The following TXNRD1 variants were observed in gnomAD, a reference collection of about 807,000 sequenced individuals.
TXNRD1 encodes the protein thioredoxin reductase 1, also known as thioredoxin reductase 1, cytoplasmic.
In TXNRD1, 57 loss-of-function variants were observed where a neutral mutation model predicts 80.3. That is an observed-to-expected ratio of 0.71 (90% CI 0.57 to 0.89). The LOEUF (loss-of-function observed/expected upper bound fraction) is 0.89, where lower values mean the gene tolerates loss of function less well. Among genes scored for constraint, TXNRD1 ranks in the 40% least tolerant of loss-of-function variants. The pLI is 0.00. For missense variants in TXNRD1, 730 were observed against 803.0 expected (o/e 0.91, Z 1.10); for synonymous variants, 291 against 285.2 (o/e 1.02, Z -0.20).
chr12:104,305,867 A>G (rs916804381), intron 4 of TXNRD1, among the ~76,000 whole-genome samples: 2 of 152,066 alleles, frequency 1.3e-5, no homozygotes, highest in Non-Finnish European at 2.9e-5. Flanking sequence ...ATCATGTAAC[A>G]ACTTTGAATA....
rs190953257 is a variant in TXNRD1 at position 104,305,886 on chromosome 12, A to G, written c.415-5404A>G. On this transcript the variant is annotated intron_variant, in intron 4 of 16. Coordinates refer to ENST00000525566, the MANE Select transcript of TXNRD1 (RefSeq NM_001093771.3). ...TGTAACAACTTTGAATATTTGTCCC[A>G]CTTTAATTTTGCATTTCTATCTTTT... Among the ~76,000 whole-genome samples, 143 of 152,040 alleles carry G rather than the reference A, an allele frequency of 9.4e-4. No homozygotes were observed. In the Middle Eastern group the frequency reaches 0.017, roughly 18 times the overall value.
intron 1 of TXNRD1, among the ~76,000 whole-genome samples, chr12:104,223,114 G>A (rs1188651359): frequency 6.6e-6 from 1 of 152,156 alleles, no homozygotes; most frequent in Non-Finnish European, 1.5e-5. Flanking sequence ...TTACAGTGTA[G>A]CTATGGCTGC....
chr12:104,270,719 A>G (rs1299229787), intron 3 of TXNRD1, among the ~76,000 whole-genome samples: 1 of 152,188 alleles, frequency 6.6e-6, no homozygotes, highest in Non-Finnish European at 1.5e-5. Context: ...ATGACTAAAT[A>G]CTGGCCTAAT....
At chr12:104,322,666 C>T (rs1206381517) in intron 10 of TXNRD1, among the ~76,000 whole-genome samples, 1 of 152,124 alleles carries the variant, frequency 6.6e-6, no homozygotes, top group African/African-American at 2.4e-5. Context: ...AGGCCTGAGC[C>T]ACTGCGCCTG....
intron 1 of TXNRD1, among the ~76,000 whole-genome samples, chr12:104,249,481 C>T (rs1158711672): frequency 6.8e-6 from 1 of 147,974 alleles, no homozygotes; most frequent in Non-Finnish European, 1.5e-5. Flanking sequence ...ATTTGATTGT[C>T]TGGTATATAA....
chr12:104,319,697 AC>A (rs2035462253), intron 9 of TXNRD1, 112 bp downstream of exon 9: 1 of 780,804 alleles, frequency 1.3e-6, no homozygotes, highest in African/African-American at 1.8e-5. Context: ...TTTCTTTGCC[AC>A]ATTGTGCCCT....
chr12:104,239,566 T>TGAG (rs879878515), intron 1 of TXNRD1, among the ~76,000 whole-genome samples: 2,903 of 152,110 alleles, frequency 0.019, 112 homozygotes, highest in East Asian at 0.11. Flanking sequence ...TCATTCCTTT[T>TGAG]TTTTCCCTAG....
intron 4 of TXNRD1, among the ~76,000 whole-genome samples, chr12:104,296,581 A>C (rs954015694): frequency 6.6e-6 from 1 of 152,182 alleles, no homozygotes; most frequent in Admixed American, 6.5e-5. Context: ...GCCAATTTTT[A>C]AATTTTTTGT....
At chr12:104,218,234 C>G (rs2032265929) in intron 1 of TXNRD1, among the ~76,000 whole-genome samples, 1 of 152,142 alleles carries the variant, frequency 6.6e-6, no homozygotes, top group Admixed American at 6.5e-5. Flanking sequence ...CCATGTTGGC[C>G]AGGCTGGTCT....
At chr12:104,250,140 C>A (rs767970825) in intron 1 of TXNRD1, among the ~76,000 whole-genome samples, 47 of 152,068 alleles carry the variant, frequency 3.1e-4, no homozygotes, top group Non-Finnish European at 3.7e-4. Flanking sequence ...ACAAGGTTGG[C>A]AAGATACATC....
At chr12:104,319,343 T>G in intron 8 of TXNRD1, 127 bp from the exon 9 acceptor site, 1 of 698,128 alleles carries the variant, frequency 1.4e-6, no homozygotes, top group East Asian at 2.7e-5. Context: ...TTATCCTTTT[T>G]ACTATATTAT....
At chr12:104,253,980 A>G (rs2033185489) in intron 2 of TXNRD1, among the ~76,000 whole-genome samples, 1 of 152,210 alleles carries the variant, frequency 6.6e-6, no homozygotes. Context: ...GGCGTGAGCC[A>G]CTGCGCCCAG....
intron 2 of TXNRD1, 53 bp downstream of exon 2, chr12:104,251,731 T>G: frequency 1.9e-6 from 3 of 1,586,488 alleles, no homozygotes; most frequent in Non-Finnish European, 2.6e-6. Context: ...TTTGACAGAC[T>G]TTTGAGCTCA....
At chr12:104,307,373 G>A (rs997484451) in intron 4 of TXNRD1, among the ~76,000 whole-genome samples, 1 of 152,210 alleles carries the variant, frequency 6.6e-6, no homozygotes, top group Admixed American at 6.5e-5. Flanking sequence ...GGACACCAGT[G>A]TAAATACATT....
intron 10 of TXNRD1, among the ~76,000 whole-genome samples, chr12:104,322,917 G>A (rs1174122752): frequency 7.0e-6 from 1 of 142,680 alleles, no homozygotes; most frequent in Non-Finnish European, 1.5e-5. Flanking sequence ...AGTGAACAAA[G>A]GTCTCTGGTT....
At chr12:104,266,745 C>T (rs755585792) in intron 3 of TXNRD1, among the ~76,000 whole-genome samples, 19 of 151,928 alleles carry the variant, frequency 1.3e-4, no homozygotes, top group Non-Finnish European at 2.1e-4. Context: ...GAGCGGATCA[C>T]GAGGTCAGGA....
chr12:104,259,233 T>C (rs1316002144), intron 3 of TXNRD1, among the ~76,000 whole-genome samples: 1 of 151,660 alleles, frequency 6.6e-6, no homozygotes, highest in Non-Finnish European at 1.5e-5. Context: ...TAAAAAAAAT[T>C]AGCTGGGTGT....
intron 16 of TXNRD1, among the ~76,000 whole-genome samples, chr12:104,340,512 C>T (rs561927449): frequency 2.0e-5 from 3 of 152,262 alleles, no homozygotes; most frequent in East Asian, 1.9e-4. Context: ...GGCCAAGCTC[C>T]CTCCAAAGGC....
At chr12:104,222,892 G>T (rs1331128029) in intron 1 of TXNRD1, among the ~76,000 whole-genome samples, 1 of 152,136 alleles carries the variant, frequency 6.6e-6, no homozygotes, top group Non-Finnish European at 1.5e-5. Context: ...TGGGATTATT[G>T]AGCAGAAATG....
Sources: gnomAD v4.1 joint callset for allele counts (sites outside exome capture counted in the v4.1 genomes callset) on GRCh38, gnomAD v4.1.1 for gene constraint, MANE v1.5 for transcripts, NCBI Gene and HGNC (gene_info 2026-07-23, HGNC 2026-07-21) for gene names.